Variants in TGFBR1 observed in about 807,000 individuals in gnomAD.
TGFBR1 encodes the protein TGF-beta receptor type-1.
Under a neutral mutation model 55.1 loss-of-function variants are expected in TGFBR1, and 20 were observed. The ratio of observed to expected loss-of-function variants is 0.36; its 90% CI spans 0.26 to 0.53. The LOEUF (loss-of-function observed/expected upper bound fraction) is 0.53. TGFBR1 is among the 20% of genes least tolerant of loss of function. The pLI, the probability that TGFBR1 is intolerant of heterozygous loss-of-function variation, is 0.91. For synonymous variants in TGFBR1, 220 were observed against 214.8 expected (o/e 1.02, Z -0.21); for missense variants, 385 against 617.6 (o/e 0.62, Z 3.99).
At chr9:99,145,220 ACTGTGCAGTAGCTAGCC>A (rs1264829544) in intron 6 of TGFBR1, among the ~76,000 whole-genome samples, 4 of 152,188 alleles carry the variant, frequency 2.6e-5, no homozygotes, top group Admixed American at 6.5e-5. Flanking sequence ...CTTCTCAAAT[ACTGTGCAGTAGCTAGCC>A]CTGCTATTTT....
intron 1 of TGFBR1, among the ~76,000 whole-genome samples, chr9:99,117,150 C>T (rs143603944): frequency 6.6e-6 from 1 of 152,150 alleles, no homozygotes; most frequent in East Asian, 1.9e-4. Flanking sequence ...TGCAGTGGCG[C>T]GATCTTGGCT....
chr9:99,133,620 T>C (rs1827319435), intron 3 of TGFBR1, among the ~76,000 whole-genome samples: 1 of 152,362 alleles, frequency 6.6e-6, no homozygotes, highest in East Asian at 1.9e-4. Context: ...GGTTAGAACA[T>C]GTTTCCTCTT....
rs1216239319 is a variant in TGFBR1, at chr9:99,148,478, T to A, written c.1386+694T>A. Reference sequence around the variant, plus strand: ...TGAAGCAGAGCATATTCCTCCAGGTTTGAAGATTTGTAGCTTAAAAAGGCT... The same window carrying A: ...TGAAGCAGAGCATATTCCTCCAGGTATGAAGATTTGTAGCTTAAAAAGGCT... On this transcript the variant is annotated intron_variant, in intron 8 of 8. Coordinates refer to ENST00000374994, the MANE Select transcript of TGFBR1 (RefSeq NM_004612.4). Among the ~76,000 whole-genome samples the A allele has an allele frequency of 2.6e-5, 4 of 152,200 alleles. No individual in the cohort carries two copies. The East Asian group carries it at 7.7e-4, about 29-fold the overall frequency.
intron 4 of TGFBR1, among the ~76,000 whole-genome samples, chr9:99,140,219 G>A (rs1470766612): frequency 6.6e-6 from 1 of 152,202 alleles, no homozygotes; most frequent in African/African-American, 2.4e-5. Flanking sequence ...GGGAAGCCAA[G>A]GTGGGTGGAT....
Position 99,143,412 on chromosome 9 carries a change from G to A in TGFBR1, c.973+709G>A, listed in dbSNP as rs11568783. ...ATTATATTTGACCTTGAGATAAGGAGACTGCATGAGATAGTTTTACAGTTG... is the reference window on the plus strand; with the variant it reads ...ATTATATTTGACCTTGAGATAAGGAAACTGCATGAGATAGTTTTACAGTTG... On this transcript the variant is annotated intron_variant, in intron 5 of 8. Coordinates refer to ENST00000374994, the MANE Select transcript of TGFBR1 (RefSeq NM_004612.4). Among the ~76,000 whole-genome samples the A allele has an allele frequency of 1.3e-3, 202 of 152,332 alleles. 2 individuals are homozygous for A. The highest frequency in any genetic ancestry group is 4.5e-3 in the African/African-American group (189 of 41,564).
At position 99,106,931 on chromosome 9, in the gene TGFBR1, A is replaced by G. The variant is rs542600021; in HGVS notation, c.97+1629A>G. Among the ~76,000 whole-genome samples the G allele has an allele frequency of 2.6e-5, 4 of 152,342 alleles. No individual in the cohort carries two copies. The East Asian group carries it at 7.7e-4, about 29-fold the overall frequency. On this transcript the variant is annotated intron_variant, in intron 1 of 8. Coordinates refer to ENST00000374994, the MANE Select transcript of TGFBR1 (RefSeq NM_004612.4). ...ATTGGCCTAGGGAGGAAGGCAGGAT[A>G]ACTGTGTGGACATTTGGGAGAATCA...
At chr9:99,132,261 A>G (rs373459815) in intron 2 of TGFBR1, among the ~76,000 whole-genome samples, 1 of 152,226 alleles carries the variant, frequency 6.6e-6, no homozygotes, top group East Asian at 1.9e-4. Context: ...TGGCCTTGTA[A>G]TGATGGCTGA....
intron 1 of TGFBR1, among the ~76,000 whole-genome samples, chr9:99,110,663 A>C (rs1826540686): frequency 6.6e-6 from 1 of 152,248 alleles, no homozygotes. Flanking sequence ...GATGTAGACT[A>C]ACAGTAGTTC....
intron 2 of TGFBR1, among the ~76,000 whole-genome samples, chr9:99,130,339 C>G (rs1261081671): frequency 6.6e-6 from 1 of 152,206 alleles, no homozygotes; most frequent in Non-Finnish European, 1.5e-5. Context: ...TCACTCTCCA[C>G]TCAAAGTTGG....
intron 1 of TGFBR1, among the ~76,000 whole-genome samples, chr9:99,113,331 T>A (rs1826638853): frequency 6.6e-6 from 1 of 152,230 alleles, no homozygotes. Context: ...AGCTCCCTGA[T>A]GGCTATCCTT....
rs1281548320 is a variant in TGFBR1, at chr9:99,150,954, A to G, written c.*1649A>G. 8.8e-6 allele frequency: 2 copies of G among 226,042 alleles called. No homozygotes were observed. The highest frequency in any genetic ancestry group is 4.4e-5 in the African/African-American group (2 of 44,956). The allele number at this position is 226,042 out of a possible 1,614,324, so 14.0% of individuals were successfully genotyped here. A position where few individuals can be genotyped will look rare whatever the true frequency, so the allele number is the denominator to read the frequency against. ...TCTTATTCTGAGGGGAGAAAAAACT[A>G]TCATAGCTCTGAGGCAAGACTTCGA... On this transcript the variant is annotated 3_prime_UTR_variant, in exon 9 of 9. Coordinates refer to ENST00000374994, the MANE Select transcript of TGFBR1 (RefSeq NM_004612.4).
intron 3 of TGFBR1, among the ~76,000 whole-genome samples, chr9:99,136,934 A>C (rs11568774): frequency 1.6e-4 from 24 of 152,302 alleles, no homozygotes; most frequent in Admixed American, 6.5e-4. Flanking sequence ...TGTTAGTGTC[A>C]ATGTAATTTA....
chr9:99,146,523 T>C lies in TGFBR1; in HGVS notation c.1169T>C (p.Met390Thr), dbSNP rs199574997. 6.2e-7 allele frequency: 1 copy of C among 1,613,992 alleles called. No individual in the cohort carries two copies. Among genetic ancestry groups the C allele is most frequent in the Non-Finnish European group, 8.5e-7 (1 of 1,179,898 alleles). ...APEVLDDSINMKHFESFKRAD... is the reference protein window; with the variant it reads ...APEVLDDSINTKHFESFKRAD... Reference sequence around the variant, plus strand: ...GAAGTTCTCGATGATTCCATAAATATGAAACATTTTGAATCCTTCAAACGT... The same window carrying C: ...GAAGTTCTCGATGATTCCATAAATACGAAACATTTTGAATCCTTCAAACGT... Residue 390 changes from methionine (M) to threonine (T), a missense_variant, in exon 7 of 9, where the codon ATG becomes ACG. By Grantham distance (81) the Met-to-Thr change is moderately conservative (BLOSUM62 -1). Around this residue, in one of 5 missense-constraint regions of TGFBR1, gnomAD observed 110 missense variants for 154.6 expected, o/e 0.71. Transcript: ENST00000374994.
chr9:99,125,910 AAAAC>A (rs1827026761), intron 1 of TGFBR1, among the ~76,000 whole-genome samples: 1 of 152,200 alleles, frequency 6.6e-6, no homozygotes, highest in African/African-American at 2.4e-5. Flanking sequence ...AGAGATGTGA[AAAAC>A]AAAACAAGCT....
intron 1 of TGFBR1, among the ~76,000 whole-genome samples, chr9:99,110,504 G>T (rs1198244934): frequency 1.3e-5 from 2 of 152,162 alleles, no homozygotes; most frequent in African/African-American, 2.4e-5. Flanking sequence ...CAGGTGACCA[G>T]TGCTCAGAAG....
intron 1 of TGFBR1, among the ~76,000 whole-genome samples, chr9:99,120,061 G>A (rs1384344346): frequency 6.6e-6 from 1 of 152,190 alleles, no homozygotes; most frequent in African/African-American, 2.4e-5. Flanking sequence ...AGTATTCTAT[G>A]TATGTTATTT....
Position 99,132,697 on chromosome 9 carries a change from A to G in TGFBR1, c.532A>G (p.Lys178Glu), listed in dbSNP as rs779641991. 3 of 1,614,176 alleles carry G rather than the reference A, an allele frequency of 1.9e-6. No homozygotes were observed. The Admixed American group carries it at 5.0e-5, about 27-fold the overall frequency. Residue 178 changes from lysine (K) to glutamate (E), a missense_variant, in exon 3 of 9, where the codon AAA (lysine) becomes GAA (glutamate). By Grantham distance (56) the Lys-to-Glu change is moderately conservative. This residue lies in a region of TGFBR1 where 146 missense variants were observed against 167.7 expected (regional missense o/e 0.87). Transcript: ENST00000374994. Reference sequence around the variant, plus strand: ...TTTTATTTCAGAGGGTACTACGTTGAAAGACTTAATTTATGATATGACAAC... The same window carrying G: ...TTTTATTTCAGAGGGTACTACGTTGGAAGACTTAATTTATGATATGACAAC... ...RPFISEGTTL[K>E]DLIYDMTTSG...
chr9:99,116,957 T>C (rs1826763019), intron 1 of TGFBR1, among the ~76,000 whole-genome samples: 1 of 152,234 alleles, frequency 6.6e-6, no homozygotes, highest in African/African-American at 2.4e-5. Context: ...AATGCAAATA[T>C]AGAAATAATA....
chr9:99,123,119 C>A (rs1826941872), intron 1 of TGFBR1, among the ~76,000 whole-genome samples: 1 of 151,936 alleles, frequency 6.6e-6, no homozygotes, highest in South Asian at 2.1e-4. Flanking sequence ...ATCCCAAATC[C>A]AAAACACTTC....
Sources: gnomAD v4.1 joint callset for allele counts (sites outside exome capture counted in the v4.1 genomes callset) on GRCh38, gnomAD v4.1.1 for gene constraint, gnomAD v4.1.1 regional missense constraint, MANE v1.5 for transcripts, NCBI Gene and HGNC (gene_info 2026-07-23, HGNC 2026-07-21) for gene names.